DSCAML1: variants seen among roughly 807,000 people sequenced by gnomAD.
The protein encoded by DSCAML1 is cell adhesion molecule DSCAML1.
Under a neutral mutation model 200.5 loss-of-function variants are expected in DSCAML1, and 38 were observed. That is an observed-to-expected ratio of 0.19 (90% CI 0.15 to 0.25). The LOEUF (loss-of-function observed/expected upper bound fraction) is 0.25, where lower values mean the gene tolerates loss of function less well. DSCAML1 is among the 10% of genes least tolerant of loss of function. DSCAML1 has a pLI of 1.00. For synonymous variants in DSCAML1, 1,215 were observed against 1,165.0 expected, an observed-to-expected ratio of 1.04 and a Z score of -0.87; for missense variants, 2,223 against 2,858.8, an observed-to-expected ratio of 0.78 and a Z score of 5.07.
rs2052420579 is a variant in DSCAML1 at position 117,642,039 on chromosome 11, A to G, written c.512-109517T>C. On this transcript the variant is annotated intron_variant, in intron 3 of 32. Transcript: ENST00000651296. This position sits in a 1 kb window ranked among gnomAD's most constrained non-coding sequence, Gnocchi z 4.1. ...CCCCACCCTGCCTCTCCCCACTCCA[A>G]CAGCCCCTGGTGACAGCTCCCTTTT... Among the ~76,000 whole-genome samples, 1 of 151,968 alleles carries G rather than the reference A, an allele frequency of 6.6e-6. No individual in the cohort carries two copies. The highest frequency in any genetic ancestry group is 1.5e-5 in the Non-Finnish European group (1 of 67,978).
intron 18 of DSCAML1, 151 bp downstream of exon 18, chr11:117,461,298 GC>G (rs375469356): frequency 2.3e-5 from 25 of 1,076,728 alleles, no homozygotes; most frequent in South Asian, 2.1e-4. Context: ...AGCCATTATC[GC>G]CCCCCGTGGT....
At chr11:117,693,726 A>G (rs982152446) in intron 3 of DSCAML1, among the ~76,000 whole-genome samples, 2 of 152,170 alleles carry the variant, frequency 1.3e-5, no homozygotes, top group African/African-American at 2.4e-5. Context: ...CTCCTCTCTG[A>G]AGAAACTTAG....
chr11:117,758,681 T>C (rs2054741899), intron 3 of DSCAML1, among the ~76,000 whole-genome samples: 1 of 152,056 alleles, frequency 6.6e-6, no homozygotes. Flanking sequence ...GGATTACAGG[T>C]GTGAGCCAAA....
At chr11:117,654,126 GA>G (rs2052687418) in intron 3 of DSCAML1, among the ~76,000 whole-genome samples, 1 of 152,198 alleles carries the variant, frequency 6.6e-6, no homozygotes, top group African/African-American at 2.4e-5. Context: ...CTTCTATGCA[GA>G]TATGAAATAT....
intron 3 of DSCAML1, among the ~76,000 whole-genome samples, chr11:117,730,752 C>T (rs1333896877): frequency 6.6e-6 from 1 of 152,140 alleles, no homozygotes; most frequent in Non-Finnish European, 1.5e-5. Flanking sequence ...CATTTGTAAA[C>T]AAATGTTCAC....
intron 3 of DSCAML1, among the ~76,000 whole-genome samples, chr11:117,688,276 G>A (rs1351772617): frequency 6.6e-6 from 1 of 152,206 alleles, no homozygotes; most frequent in African/African-American, 2.4e-5. Flanking sequence ...AACCATCAAG[G>A]GTGGCACCTG....
intron 3 of DSCAML1, among the ~76,000 whole-genome samples, chr11:117,744,997 C>T (rs745539850): frequency 1.4e-5 from 2 of 138,368 alleles, no homozygotes; most frequent in Admixed American, 7.5e-5. Flanking sequence ...ACCTGACAGC[C>T]GCAGTGATTA....
rs1293750461 is a variant in DSCAML1, at chr11:117,535,427, C to A, written c.512-2905G>T. On this transcript the variant is annotated intron_variant, in intron 3 of 32. Transcript: ENST00000651296. Reference sequence around the variant, plus strand: ...TGGAACCTAGAGTTTGTGGACACCCCGCTCTGCCCGGCTCCAGCACACAGA... The same window carrying A: ...TGGAACCTAGAGTTTGTGGACACCCAGCTCTGCCCGGCTCCAGCACACAGA... 2.6e-5 allele frequency among the ~76,000 whole-genome samples: 4 copies of A among 152,178 alleles called. No individual in the cohort carries two copies. In the South Asian group the frequency reaches 8.3e-4, roughly 32 times the overall value.
chr11:117,592,650 A>G (rs1216940540), intron 3 of DSCAML1, among the ~76,000 whole-genome samples: 2 of 152,210 alleles, frequency 1.3e-5, no homozygotes, highest in African/African-American at 2.4e-5. Context: ...ATGCTGGGCA[A>G]TGTTCTAAGC....
chr11:117,460,754 C>A lies in DSCAML1; in HGVS notation c.3412+696G>T, dbSNP rs541525432. ...TTTCTCTCCATTTGCCATTTCTCTA[C>A]CCCCCTGCTCCACTGTGCGCACCTC... is the stretch of plus-strand genomic sequence containing the variant. On this transcript the variant is annotated intron_variant, in intron 18 of 32. Transcript: ENST00000651296. Among the ~76,000 whole-genome samples, 40 of 152,248 alleles carry A rather than the reference C, an allele frequency of 2.6e-4. 1 individual carries two copies. The South Asian group carries it at 6.4e-3, about 24-fold the overall frequency.
At position 117,461,562 on chromosome 11, in the gene DSCAML1, C is replaced by A; in HGVS notation, c.3300G>T (p.Leu1100=). ...TGACGGCCACGTCAGAAGTGATGGA[C>A]AGGGCCCGGACGTTCTCAGGGGGCT... is the stretch of plus-strand genomic sequence containing the variant. ...PSQPPENVRA[L]SITSDVAVIS... The change falls in exon 18 of 33, where the codon CTG becomes CTT. Residue 1100 remains leucine, a synonymous_variant. Transcript: ENST00000651296. The A allele has an allele frequency of 6.2e-7, 1 of 1,613,980 alleles. No individual in the cohort carries two copies. Among genetic ancestry groups the A allele is most frequent in the Middle Eastern group, 1.6e-4 (1 of 6,062 alleles).
chr11:117,594,179 A>C (rs2051318386), intron 3 of DSCAML1, among the ~76,000 whole-genome samples: 1 of 152,174 alleles, frequency 6.6e-6, no homozygotes, highest in South Asian at 2.1e-4. Context: ...AGGTGCACAG[A>C]TATTGGGTCC....
rs1592687629 is a variant in DSCAML1 at position 117,516,206 on chromosome 11, C to G, written c.1783+261G>C. Among the ~76,000 whole-genome samples, 2 of 152,198 alleles carry G rather than the reference C, an allele frequency of 1.3e-5. No homozygotes were observed. The highest frequency in any genetic ancestry group is 2.9e-5 in the Non-Finnish European group (2 of 68,038). ...CAGCCTGCCTCCTTTATCTGTAACT[C>G]ACCCTCTCATGCACCTGGGGTGTGT... On this transcript the variant is annotated intron_variant, in intron 8 of 32. Coordinates refer to ENST00000651296, the MANE Select transcript of DSCAML1 (RefSeq NM_020693.4). The surrounding 1 kb of genome is among the most constrained non-coding windows in gnomAD (Gnocchi z 5.7).
rs2047690066 is a variant in DSCAML1, at chr11:117,427,807, C to CT, written c.*520dup. The CT allele has an allele frequency of 6.5e-6, 1 of 152,756 alleles. No individual in the cohort carries two copies. The highest frequency in any genetic ancestry group is 1.5e-5 in the Non-Finnish European group (1 of 68,110). 9.5% of individuals were successfully genotyped at this position (152,756 alleles called of 1,614,324 possible). A position where few individuals can be genotyped will look rare whatever the true frequency, so the allele number is the denominator to read the frequency against. On this transcript the variant is annotated 3_prime_UTR_variant, in exon 33 of 33. Transcript: ENST00000651296. ...ACCTTTATTGCACACGGCGCTGGGTCTTTTTTCATAGAAAAAGGTATTAAC... is the reference window on the plus strand; with the variant it reads ...ACCTTTATTGCACACGGCGCTGGGTCTTTTTTTCATAGAAAAAGGTATTAAC...
chr11:117,606,646 C>T (rs936032379), intron 3 of DSCAML1, among the ~76,000 whole-genome samples: 2 of 152,200 alleles, frequency 1.3e-5, no homozygotes, highest in African/African-American at 2.4e-5. Context: ...CCTTCCACCC[C>T]GGCACCCAGA....
intron 3 of DSCAML1, among the ~76,000 whole-genome samples, chr11:117,768,706 T>G (rs962379051): frequency 6.6e-6 from 1 of 152,202 alleles, no homozygotes; most frequent in African/African-American, 2.4e-5. Flanking sequence ...ATTCCCATTT[T>G]ATAGATGATT....
intron 14 of DSCAML1, among the ~76,000 whole-genome samples, chr11:117,477,849 C>T (rs1416400271): frequency 1.3e-5 from 2 of 152,216 alleles, no homozygotes; most frequent in African/African-American, 2.4e-5. Flanking sequence ...CCTGGGTGGG[C>T]TGTGCTGGAG....
At chr11:117,493,258 A>C (rs985150397) in intron 11 of DSCAML1, among the ~76,000 whole-genome samples, 18 of 151,810 alleles carry the variant, frequency 1.2e-4, no homozygotes, top group Non-Finnish European at 4.4e-5. Flanking sequence ...GTAGACGCGC[A>C]GGACGGGGAG....
chr11:117,674,608 C>T, intron 3 of DSCAML1, among the ~76,000 whole-genome samples: 1 of 152,156 alleles, frequency 6.6e-6, no homozygotes, highest in East Asian at 1.9e-4. Flanking sequence ...CCCAGATATC[C>T]CGCTGCAGAT....
Sources: allele counts gnomAD v4.1 joint callset (sites outside exome capture counted in the v4.1 genomes callset), GRCh38; gene constraint gnomAD v4.1.1; non-coding constraint Gnocchi (gnomAD v3.1); transcripts MANE v1.5; gene names NCBI Gene and HGNC (gene_info 2026-07-23, HGNC 2026-07-21).